The following PPP3CB variants were observed in gnomAD, a reference collection of about 807,000 sequenced individuals.
The protein encoded by PPP3CB is protein phosphatase 3 catalytic subunit beta.
Under a neutral mutation model 66.4 loss-of-function variants are expected in PPP3CB, and 8 were observed. The observed-to-expected ratio is 0.12, with a 90% CI of 0.07 to 0.22. The LOEUF is 0.22. Ranked by LOEUF, PPP3CB falls within the 10% of genes least tolerant of loss-of-function variation. The pLI is 1.00. For missense variants in PPP3CB, 319 were observed against 642.5 expected (o/e 0.50, Z 5.44); for synonymous variants, 208 against 221.2 (o/e 0.94, Z 0.53).
Position 73,495,821 on chromosome 10 carries a change from A to G in PPP3CB, c.69T>C (p.Ala23=). The part of the protein sequence containing the change: ...PPPPPPPPPG[A]DRVVKAVPFP... Reference sequence around the variant, plus strand: ...ACCTCTCACCTTTGACGACGCGGTCAGCCCCGGGAGGGGGCGGCGGGGGCG... The same window carrying G: ...ACCTCTCACCTTTGACGACGCGGTCGGCCCCGGGAGGGGGCGGCGGGGGCG... The change falls in exon 1 of 14, where the codon GCT becomes GCC. Residue 23 remains alanine (A), a synonymous_variant. Transcript: ENST00000360663. The G allele has an allele frequency of 6.8e-7, 1 of 1,473,050 alleles. No homozygotes were observed. Among genetic ancestry groups the G allele is most frequent in the Non-Finnish European group, 9.1e-7 (1 of 1,098,878 alleles). 91.2% of individuals were successfully genotyped at this position (1,473,050 alleles called of 1,614,324 possible).
intron 12 of PPP3CB, among the ~76,000 whole-genome samples, chr10:73,441,899 C>A (rs543681359): frequency 6.6e-6 from 1 of 152,112 alleles, no homozygotes; most frequent in Non-Finnish European, 1.5e-5. Flanking sequence ...CTTGAAACGA[C>A]AATTTTTATT....
Position 73,437,903 on chromosome 10 carries a change from A to C in PPP3CB, c.*339T>G, listed in dbSNP as rs2056092105. On this transcript the variant is annotated 3_prime_UTR_variant, in exon 14 of 14. Transcript: ENST00000360663. ...GCATTTGAAATCATGATTGAAAAAC[A>C]AAATCTAATTCTACTGAAGGGGAAA... is the stretch of plus-strand genomic sequence containing the variant. 2 of 198,068 alleles carry C rather than the reference A, an allele frequency of 1.0e-5. No homozygotes were observed. Among genetic ancestry groups the C allele is most frequent in the Non-Finnish European group, 2.0e-5 (2 of 98,996 alleles). The allele number at this position is 198,068 out of a possible 1,614,324, so 12.3% of individuals were successfully genotyped here.
intron 12 of PPP3CB, among the ~76,000 whole-genome samples, chr10:73,442,650 C>G (rs2056167576): frequency 6.7e-6 from 1 of 149,828 alleles, no homozygotes; most frequent in Non-Finnish European, 1.5e-5. Context: ...GTTCATTTTT[C>G]TAATGTTTAC....
At chr10:73,474,076 CTT>C (rs1167700532) in intron 4 of PPP3CB, among the ~76,000 whole-genome samples, 2 of 152,044 alleles carry the variant, frequency 1.3e-5, no homozygotes, top group Non-Finnish European at 2.9e-5. Flanking sequence ...GAGTTTCGCT[CTT>C]GTTGCCCAGG....
At chr10:73,441,710 G>A (rs1034650039) in intron 12 of PPP3CB, among the ~76,000 whole-genome samples, 4 of 152,072 alleles carry the variant, frequency 2.6e-5, no homozygotes, top group African/African-American at 9.7e-5. Context: ...CATAGAATTG[G>A]CCACATATAT....
At chr10:73,458,171 C>G (rs2056460843) in intron 9 of PPP3CB, among the ~76,000 whole-genome samples, 1 of 152,146 alleles carries the variant, frequency 6.6e-6, no homozygotes, top group Non-Finnish European at 1.5e-5. Context: ...GAGTCTCACT[C>G]TGTTGTCCAG....
At position 73,454,498 on chromosome 10, in the gene PPP3CB, GA is replaced by G. The variant is rs771561450; in HGVS notation, c.1109-10del. On this transcript the variant is annotated splice_polypyrimidine_tract_variant and intron_variant, in intron 9 of 13. Coordinates refer to ENST00000360663, the MANE Select transcript of PPP3CB (RefSeq NM_021132.4). Reference sequence around the variant, plus strand: ...TACCAACATTTCTGTCACTATTTGGGAAAAAAAAGTTACATGTTAGCTGACC... The same window carrying G: ...TACCAACATTTCTGTCACTATTTGGGAAAAAAAGTTACATGTTAGCTGACC... 6.9e-6 allele frequency: 11 copies of G among 1,599,736 alleles called. No homozygotes were observed. The highest frequency in any genetic ancestry group is 2.7e-5 in the African/African-American group (2 of 74,344).
intron 1 of PPP3CB, among the ~76,000 whole-genome samples, chr10:73,491,319 G>C (rs1330577464): frequency 1.3e-5 from 2 of 151,750 alleles, no homozygotes; most frequent in Non-Finnish European, 2.9e-5. Flanking sequence ...GTGAGCCACT[G>C]TGCCCAGCCA....
intron 1 of PPP3CB, among the ~76,000 whole-genome samples, chr10:73,481,062 CTT>C (rs2056867617): frequency 6.6e-6 from 1 of 151,618 alleles, no homozygotes; most frequent in South Asian, 2.1e-4. Context: ...CTGAATAGTA[CTT>C]TGTTTTTCAA....
intron 12 of PPP3CB, 151 bp downstream of exon 12, chr10:73,444,574 C>G: frequency 6.5e-7 from 1 of 1,549,722 alleles, no homozygotes; most frequent in Non-Finnish European, 8.7e-7. Flanking sequence ...TAATGAGACA[C>G]TAGCTAATAC....
chr10:73,438,220 A>G lies in PPP3CB; in HGVS notation c.*22T>C. 1 of 1,603,952 alleles carries G rather than the reference A, an allele frequency of 6.2e-7. No individual in the cohort carries two copies. Among genetic ancestry groups the G allele is most frequent in the Non-Finnish European group, 8.5e-7 (1 of 1,173,084 alleles). On this transcript the variant is annotated 3_prime_UTR_variant, in exon 14 of 14. Coordinates refer to ENST00000360663, the MANE Select transcript of PPP3CB (RefSeq NM_021132.4). Reference sequence around the variant, plus strand: ...CTGTCCATTTGGGGCCCGAGATGTGAGAGTCCCTGGGAAGTAGTGGGTCAC... The same window carrying G: ...CTGTCCATTTGGGGCCCGAGATGTGGGAGTCCCTGGGAAGTAGTGGGTCAC...
chr10:73,468,696 G>C (rs1319405008), intron 8 of PPP3CB, among the ~76,000 whole-genome samples: 1 of 152,024 alleles, frequency 6.6e-6, no homozygotes, highest in Non-Finnish European at 1.5e-5. Context: ...GTGGCTAATA[G>C]AGAATCAAAA....
At chr10:73,482,461 T>A (rs2056894873) in intron 1 of PPP3CB, among the ~76,000 whole-genome samples, 1 of 135,418 alleles carries the variant, frequency 7.4e-6, no homozygotes, top group South Asian at 2.5e-4. Context: ...GAGAATGGCG[T>A]GAACCCGGAA....
At position 73,478,555 on chromosome 10, in the gene PPP3CB, T is replaced by C; in HGVS notation, c.355A>G (p.Asn119Asp). The change falls in exon 3 of 14, where the codon AAT becomes GAT. Residue 119 changes from asparagine to aspartate, a missense_variant. By Grantham distance (23) the Asn-to-Asp change is conservative. Coordinates refer to ENST00000360663, the MANE Select transcript of PPP3CB (RefSeq NM_021132.4). ...TCGCCAAGAAAAAGGTATCGTGTAT[T>C]AGCAGGTGATCCTCCTACTTCAAAA... Reference protein sequence around the residue: ...KLFEVGGSPANTRYLFLGDYV... With the variant: ...KLFEVGGSPADTRYLFLGDYV... The C allele has an allele frequency of 6.2e-7, 1 of 1,609,300 alleles. No homozygotes were observed. The highest frequency in any genetic ancestry group is 1.1e-5 in the South Asian group (1 of 90,970).
At chr10:73,483,695 A>G (rs1296183615) in intron 1 of PPP3CB, among the ~76,000 whole-genome samples, 1 of 152,170 alleles carries the variant, frequency 6.6e-6, no homozygotes, top group African/African-American at 2.4e-5. Flanking sequence ...TTAATTTATC[A>G]GCAAATAAGA....
chr10:73,484,687 A>G (rs779852328), intron 1 of PPP3CB, among the ~76,000 whole-genome samples: 6 of 152,180 alleles, frequency 3.9e-5, no homozygotes, highest in Admixed American at 6.5e-5. Context: ...CCAGAAAACA[A>G]ATGTATATAA....
At chr10:73,485,508 G>C (rs2056956609) in intron 1 of PPP3CB, among the ~76,000 whole-genome samples, 1 of 152,142 alleles carries the variant, frequency 6.6e-6, no homozygotes, top group South Asian at 2.1e-4. Flanking sequence ...TGACTCCAAA[G>C]TATCATTCAG....
At chr10:73,443,206 T>C (rs937590445) in intron 12 of PPP3CB, among the ~76,000 whole-genome samples, 2 of 126,314 alleles carry the variant, frequency 1.6e-5, no homozygotes, top group African/African-American at 3.8e-5. Flanking sequence ...CACACACACA[T>C]GTACACATGC....
At chr10:73,483,185 C>T (rs1397828617) in intron 1 of PPP3CB, among the ~76,000 whole-genome samples, 2 of 152,198 alleles carry the variant, frequency 1.3e-5, no homozygotes, top group African/African-American at 4.8e-5. Context: ...TACTTTCCTA[C>T]TTATTTTTCA....
Sources: allele counts gnomAD v4.1 joint callset (sites outside exome capture counted in the v4.1 genomes callset), GRCh38; gene constraint gnomAD v4.1.1; transcripts MANE v1.5; gene names NCBI Gene and HGNC (gene_info 2026-07-23, HGNC 2026-07-21).